The following SCARB2 variants were observed in gnomAD, a reference collection of about 807,000 sequenced individuals.
SCARB2 encodes the protein lysosome membrane protein 2.
A neutral mutation model predicts 58.6 loss-of-function variants in SCARB2; 29 were observed. The observed-to-expected ratio is 0.49, with a 90% CI of 0.37 to 0.67. The LOEUF (loss-of-function observed/expected upper bound fraction) is 0.67. Among genes scored for constraint, SCARB2 ranks in the 30% least tolerant of loss-of-function variants. The pLI, the probability that SCARB2 is intolerant of heterozygous loss-of-function variation, is 0.00. For missense variants in SCARB2, 488 were observed against 578.5 expected, an observed-to-expected ratio of 0.84 and a Z score of 1.60; for synonymous variants, 195 against 210.1, an observed-to-expected ratio of 0.93 and a Z score of 0.62.
chr4:76,166,196 T>C (rs1267997084), intron 10 of SCARB2, 54 bp downstream of exon 10: 5 of 1,546,514 alleles, frequency 3.2e-6, no homozygotes, highest in Non-Finnish European at 3.6e-6. Flanking sequence ...GACATCATAA[T>C]GGATTTTTTC....
intron 1 of SCARB2, among the ~76,000 whole-genome samples, chr4:76,200,508 T>G (rs905514659): frequency 6.6e-6 from 1 of 152,226 alleles, no homozygotes; most frequent in African/African-American, 2.4e-5. Context: ...TCACCCAATA[T>G]GTACCTACTG....
intron 1 of SCARB2, among the ~76,000 whole-genome samples, chr4:76,232,508 T>C (rs989245150): frequency 3.9e-5 from 6 of 152,234 alleles, no homozygotes; most frequent in Non-Finnish European, 7.3e-5. Flanking sequence ...ACAAAGGAGT[T>C]TGGTTTTCTC....
intron 2 of SCARB2, among the ~76,000 whole-genome samples, chr4:76,187,574 A>G (rs1732513593): frequency 6.6e-6 from 1 of 152,230 alleles, no homozygotes; most frequent in Non-Finnish European, 1.5e-5. Context: ...ACATTGAAAA[A>G]TCCTATGCTA....
At chr4:76,180,435 T>A (rs1053374024) in intron 3 of SCARB2, 1 of 152,364 alleles carries the variant, frequency 6.6e-6, no homozygotes, top group Admixed American at 6.5e-5. Flanking sequence ...AGAATAGATG[T>A]AGAATAGGTG....
Position 76,213,684 on chromosome 4 carries a change from C to T in SCARB2, c.-141G>A. Reference sequence around the variant, plus strand: ...GCCCTCCCGGCGCACGGTTCGTGCGCGCAGCTCTGGGCTCCGCGGCCTGGC... The same window carrying T: ...GCCCTCCCGGCGCACGGTTCGTGCGTGCAGCTCTGGGCTCCGCGGCCTGGC... On this transcript the variant is annotated 5_prime_UTR_variant, in exon 1 of 12. Coordinates refer to ENST00000264896, the MANE Select transcript of SCARB2 (RefSeq NM_005506.4). 1 of 669,694 alleles carries T rather than the reference C, an allele frequency of 1.5e-6. No individual in the cohort carries two copies. Among genetic ancestry groups the T allele is most frequent in the South Asian group, 1.8e-5 (1 of 54,748 alleles). The allele number at this position is 669,694 out of a possible 1,614,324, so 41.5% of individuals were successfully genotyped here. A position where few individuals can be genotyped will look rare whatever the true frequency, so the allele number is the denominator to read the frequency against.
chr4:76,181,087 T>C lies in SCARB2; in HGVS notation c.290A>G (p.Lys97Arg). 1 of 1,613,782 alleles carries C rather than the reference T, an allele frequency of 6.2e-7. No homozygotes were observed. Among genetic ancestry groups the C allele is most frequent in the East Asian group, 2.2e-5 (1 of 44,804 alleles). The part of the protein sequence containing the change: ...GPYTYRELRN[K>R]ANIQFGDNGT... ...ATTATCTCCAAATTGAATATTTGCTTTGTTTCTGAGTTCCCTAAAAGAAAG... is the reference window on the plus strand; with the variant it reads ...ATTATCTCCAAATTGAATATTTGCTCTGTTTCTGAGTTCCCTAAAAGAAAG... Residue 97 changes from lysine to arginine, a missense_variant, in exon 3 of 12, where the codon AAA becomes AGA. By Grantham distance (26) the Lys-to-Arg change is conservative (BLOSUM62 2). Coordinates refer to ENST00000264896, the MANE Select transcript of SCARB2 (RefSeq NM_005506.4).
Position 76,195,693 on chromosome 4 carries a change from TG to T in SCARB2, c.275+13del. 1 of 1,612,344 alleles carries T rather than the reference TG, an allele frequency of 6.2e-7. No homozygotes were observed. The highest frequency in any genetic ancestry group is 8.5e-7 in the Non-Finnish European group (1 of 1,178,656). Reference sequence around the variant, plus strand: ...TCTGTATTTCTTTCAAGACAGGAGGTGGTCAAGACTTACCTGTAGGTGTATG... The same window carrying T: ...TCTGTATTTCTTTCAAGACAGGAGGTGTCAAGACTTACCTGTAGGTGTATG... On this transcript the variant is annotated intron_variant, in intron 2 of 11. Transcript: ENST00000264896.
At chr4:76,181,863 G>A (rs940414225) in intron 2 of SCARB2, among the ~76,000 whole-genome samples, 1 of 152,094 alleles carries the variant, frequency 6.6e-6, no homozygotes, top group Non-Finnish European at 1.5e-5. Flanking sequence ...ACCACACCCG[G>A]TCTCTGTTTC....
chr4:76,172,084 CTA>C (rs1308954724), intron 7 of SCARB2, among the ~76,000 whole-genome samples: 10 of 147,936 alleles, frequency 6.8e-5, no homozygotes, highest in African/African-American at 2.0e-4. Context: ...TTATATATAA[CTA>C]TAAAATTTGT....
intron 1 of SCARB2, chr4:76,213,162 C>T (rs1733096820): frequency 5.8e-5 from 27 of 464,958 alleles, no homozygotes; most frequent in South Asian, 3.9e-4. Flanking sequence ...GGGAGAGATG[C>T]AAACGACAGA....
upstream of SCARB2, chr4:76,217,657 C>T: frequency 1.5e-6 from 1 of 651,416 alleles, no homozygotes; most frequent in Non-Finnish European, 2.8e-6. Context: ...AACCATGAGC[C>T]AAATAAACCT....
rs1380805649 is a variant in SCARB2, at chr4:76,180,947, T to G, written c.423+7A>C. 25 of 1,608,444 alleles carry G rather than the reference T, an allele frequency of 1.6e-5. No individual in the cohort carries two copies. Among genetic ancestry groups the G allele is most frequent in the Non-Finnish European group, 2.1e-5 (25 of 1,177,378 alleles). ...TCCAACTTAATGGTATTAAAATGCC[T>G]ACTTACCAATACAGGAATATTTAAT... On this transcript the variant is annotated splice_region_variant and intron_variant, in intron 3 of 11. Coordinates refer to ENST00000264896, the MANE Select transcript of SCARB2 (RefSeq NM_005506.4).
At chr4:76,219,056 T>C (rs953894803) in intron 1 of SCARB2, among the ~76,000 whole-genome samples, 1 of 152,204 alleles carries the variant, frequency 6.6e-6, no homozygotes, top group African/African-American at 2.4e-5. Flanking sequence ...TCCAAGTCAG[T>C]CAGATGCTTT....
Position 76,161,612 on chromosome 4 carries a change from T to C in SCARB2, c.*101A>G, listed in dbSNP as rs1560702471. The C allele has an allele frequency of 1.5e-6, 2 of 1,304,916 alleles. No individual in the cohort carries two copies. The highest frequency in any genetic ancestry group is 1.8e-4 in the Middle Eastern group (1 of 5,502). 80.8% of individuals were successfully genotyped at this position (1,304,916 alleles called of 1,614,324 possible). A position where few individuals can be genotyped will look rare whatever the true frequency, so the allele number is the denominator to read the frequency against. On this transcript the variant is annotated 3_prime_UTR_variant, in exon 12 of 12. Coordinates refer to ENST00000264896, the MANE Select transcript of SCARB2 (RefSeq NM_005506.4). ...TGCCAGCGCCGTGTCTTTTTCCTTC[T>C]TTCAACAGGCAACAAGCCTGCAAGG...
chr4:76,231,693 T>TC (rs1733496546), intron 1 of SCARB2, among the ~76,000 whole-genome samples: 1 of 152,226 alleles, frequency 6.6e-6, no homozygotes, highest in Admixed American at 6.5e-5. Context: ...AGGAATCAGA[T>TC]AAGACCTTTT....
At position 76,161,957 on chromosome 4, in the gene SCARB2, T is replaced by C. The variant is rs60271776; in HGVS notation, c.1399-206A>G. The C allele has an allele frequency of 1.1e-3, 683 of 630,198 alleles. 5 individuals carry two copies. The African/African-American group carries it at 0.011, about 10-fold the overall frequency. The allele number at this position is 630,198 out of a possible 1,614,324, so 39.0% of individuals were successfully genotyped here. On this transcript the variant is annotated intron_variant, in intron 11 of 11. Transcript: ENST00000264896. ...TTTCCAGGAGGCCTTCTCTGACCAC[T>C]CCCACCCTCAATACCAGAGCAGTAC... is the stretch of plus-strand genomic sequence containing the variant.
rs538267336 is a variant in SCARB2 at position 76,161,365 on chromosome 4, A to G, written c.*348T>C. ...GAAGCATACTGAATGAAGTTAGACCAGTAGCATTAACAAGTGATGCAGAGA... is the reference window on the plus strand; with the variant it reads ...GAAGCATACTGAATGAAGTTAGACCGGTAGCATTAACAAGTGATGCAGAGA... On this transcript the variant is annotated 3_prime_UTR_variant, in exon 12 of 12. Transcript: ENST00000264896. The G allele has an allele frequency of 1.3e-4, 46 of 350,690 alleles. No homozygotes were observed. The highest frequency in any genetic ancestry group is 1.3e-3 in the South Asian group (41 of 31,516). 21.7% of individuals were successfully genotyped at this position (350,690 alleles called of 1,614,324 possible). A position where few individuals can be genotyped will look rare whatever the true frequency, so the allele number is the denominator to read the frequency against.
At chr4:76,215,588 A>G (rs538635786), upstream of SCARB2, among the ~76,000 whole-genome samples, 316 of 152,312 alleles carry the variant, frequency 2.1e-3, 2 homozygotes, top group Non-Finnish European at 3.8e-3. Flanking sequence ...AATTTGTTAA[A>G]CCAATAGAAT....
chr4:76,209,646 C>T (rs1032144593), intron 1 of SCARB2, among the ~76,000 whole-genome samples: 6 of 152,200 alleles, frequency 3.9e-5, no homozygotes, highest in Admixed American at 6.5e-5. Context: ...GGATAACAGG[C>T]GTGAGCCACC....
Sources: gnomAD v4.1 joint callset for allele counts (sites outside exome capture counted in the v4.1 genomes callset) on GRCh38, gnomAD v4.1.1 for gene constraint, MANE v1.5 for transcripts, NCBI Gene and HGNC (gene_info 2026-07-23, HGNC 2026-07-21) for gene names.